Variants in PREX2 observed in about 807,000 individuals in gnomAD.
The protein encoded by PREX2 is phosphatidylinositol 3,4,5-trisphosphate-dependent Rac exchanger 2 protein.
PREX2 carries 107 observed loss-of-function variants against 203.2 expected under a neutral mutation model. That is an observed-to-expected ratio of 0.53 (90% CI 0.45 to 0.62). The LOEUF (loss-of-function observed/expected upper bound fraction) is 0.62. Ranked by LOEUF, PREX2 falls within the 20% of genes least tolerant of loss-of-function variation. The probability of loss-of-function intolerance (pLI) is 0.00; values close to 1 mark genes in which losing one functional copy is unlikely to be tolerated. For missense variants in PREX2, 1,777 were observed against 1,955.9 expected (o/e 0.91, Z 1.72); for synonymous variants, 672 against 663.6 (o/e 1.01, Z -0.19).
chr8:68,109,617 T>C lies in PREX2; in HGVS notation c.3140T>C (p.Ile1047Thr). ...GAGGTGGAGATGTGTGTTTGTCAAATAGATGAGTAAGTGTTTTGTACTACA... is the reference window on the plus strand; with the variant it reads ...GAGGTGGAGATGTGTGTTTGTCAAACAGATGAGTAAGTGTTTTGTACTACA... ...LKEVEMCVCQ[I>T]DDLLSSITYS... The change falls in exon 25 of 40, where the codon ATA (isoleucine) becomes ACA (threonine). Residue 1047 changes from isoleucine (I) to threonine (T), a missense_variant. By Grantham distance (89) the Ile-to-Thr change is moderately conservative. Transcript: ENST00000288368. 3.1e-6 allele frequency: 5 copies of C among 1,613,536 alleles called. No homozygotes were observed. Among genetic ancestry groups the C allele is most frequent in the Non-Finnish European group, 4.2e-6 (5 of 1,179,484 alleles).
At chr8:68,051,099 G>T (rs1479119942) in intron 8 of PREX2, among the ~76,000 whole-genome samples, 1 of 152,088 alleles carries the variant, frequency 6.6e-6, no homozygotes, top group African/African-American at 2.4e-5. Flanking sequence ...GAAGAGGCCA[G>T]TGACCAGACT....
rs1006451368 is a variant in PREX2, at chr8:68,235,211, C to T, written c.*3833C>T. The stretch of plus-strand genomic sequence containing the variant: ...TTATTCACTTATACTTCTGAAAAGC[C>T]ATAATATTGAAATTTAAAATGAATA... On this transcript the variant is annotated 3_prime_UTR_variant, in exon 40 of 40. Coordinates refer to ENST00000288368, the MANE Select transcript of PREX2 (RefSeq NM_024870.4). The T allele has an allele frequency of 1.3e-5, 2 of 151,996 alleles. No individual in the cohort carries two copies. The highest frequency in any genetic ancestry group is 2.9e-5 in the Non-Finnish European group (2 of 67,998). The allele number at this position is 151,996 out of a possible 1,614,324, so 9.4% of individuals were successfully genotyped here. A position where few individuals can be genotyped will look rare whatever the true frequency, so the allele number is the denominator to read the frequency against.
intron 12 of PREX2, 27 bp from the exon 13 acceptor site, chr8:68,069,807 GT>G: frequency 8.0e-7 from 1 of 1,257,754 alleles, no homozygotes; most frequent in Non-Finnish European, 1.1e-6. Context: ...AATCTCACTT[GT>G]TTTTGATATA....
At chr8:68,066,793 AATTATTGCCAAGACAAATGTC>A (rs1250151111) in intron 11 of PREX2, among the ~76,000 whole-genome samples, 1 of 152,064 alleles carries the variant, frequency 6.6e-6, no homozygotes, top group Non-Finnish European at 1.5e-5. Flanking sequence ...CCTCTCCAAA[AATTATTGCCAAGACAAATGTC>A]AAGTAGCTGT....
intron 25 of PREX2, among the ~76,000 whole-genome samples, chr8:68,115,021 C>CTTTTT (rs5892137): frequency 2.1e-3 from 186 of 86,770 alleles, no homozygotes; most frequent in Non-Finnish European, 2.5e-3. Context: ...TCTTTTCTTT[C>CTTTTT]TTTTTTTTTT....
intron 1 of PREX2, among the ~76,000 whole-genome samples, chr8:67,982,793 T>C (rs2129609248): frequency 6.6e-6 from 1 of 152,314 alleles, no homozygotes; most frequent in Non-Finnish European, 1.5e-5. Context: ...GGAATGGGAT[T>C]ACAGTTTCTT....
At chr8:68,031,045 C>CT (rs1167016942) in intron 6 of PREX2, among the ~76,000 whole-genome samples, 1 of 152,106 alleles carries the variant, frequency 6.6e-6, no homozygotes, top group Admixed American at 6.6e-5. Context: ...CTTTCAGACT[C>CT]TAAATTAGGT....
intron 30 of PREX2, among the ~76,000 whole-genome samples, chr8:68,125,873 T>C (rs1460230422): frequency 6.6e-6 from 1 of 152,104 alleles, no homozygotes; most frequent in Admixed American, 6.6e-5. Flanking sequence ...GTAATTACAA[T>C]GATTTTTCTG....
intron 37 of PREX2, among the ~76,000 whole-genome samples, chr8:68,211,626 A>G (rs1184096200): frequency 1.3e-5 from 2 of 152,324 alleles, no homozygotes; most frequent in Non-Finnish European, 2.9e-5. Flanking sequence ...TAACCTGGGT[A>G]CAGCTCCATA....
At chr8:67,977,874 C>T (rs554712174) in intron 1 of PREX2, among the ~76,000 whole-genome samples, 19 of 152,290 alleles carry the variant, frequency 1.2e-4, no homozygotes, top group African/African-American at 4.3e-4. Context: ...TCCCCTCGCA[C>T]AAACCTGCCC....
intron 38 of PREX2, among the ~76,000 whole-genome samples, chr8:68,218,169 A>G (rs1251012511): frequency 6.6e-6 from 1 of 152,088 alleles, no homozygotes. Context: ...CAGTGTGTAC[A>G]TTTTTCTGAG....
rs1428138041 is a variant in PREX2 at position 68,233,060 on chromosome 8, T to C, written c.*1682T>C. Reference sequence around the variant, plus strand: ...ATGTGTATACTACTAGGTAAGGTAATAATAATTGTTATTTGGCACAGAAGC... The same window carrying C: ...ATGTGTATACTACTAGGTAAGGTAACAATAATTGTTATTTGGCACAGAAGC... On this transcript the variant is annotated 3_prime_UTR_variant, in exon 40 of 40. Coordinates refer to ENST00000288368, the MANE Select transcript of PREX2 (RefSeq NM_024870.4). The C allele has an allele frequency of 6.6e-6, 1 of 152,220 alleles. No homozygotes were observed. The highest frequency in any genetic ancestry group is 1.5e-5 in the Non-Finnish European group (1 of 68,042). 9.4% of individuals were successfully genotyped at this position (152,220 alleles called of 1,614,324 possible).
rs1367448384 is a variant in PREX2, at chr8:68,146,198, T to C, written c.4088-11T>C. 6.3e-7 allele frequency: 1 copy of C among 1,591,304 alleles called. No individual in the cohort carries two copies. Among genetic ancestry groups the C allele is most frequent in the Admixed American group, 1.7e-5 (1 of 58,678 alleles). ...TTTTAGGAAGTAATATACTATTAAA[T>C]ATCATTTTAGATGTTCCTCTTACAT... On this transcript the variant is annotated splice_polypyrimidine_tract_variant and intron_variant, in intron 33 of 39. Coordinates refer to ENST00000288368, the MANE Select transcript of PREX2 (RefSeq NM_024870.4).
chr8:68,167,088 T>C (rs1468306368), intron 35 of PREX2, among the ~76,000 whole-genome samples: 1 of 152,216 alleles, frequency 6.6e-6, no homozygotes, highest in Non-Finnish European at 1.5e-5. Context: ...AGCAATTTAA[T>C]CTCCTTGTTG....
In PREX2 at chr8:68,233,776, T is replaced by C. The variant is rs1000507478; in HGVS notation, c.*2398T>C. On this transcript the variant is annotated 3_prime_UTR_variant, in exon 40 of 40. Transcript: ENST00000288368. ...ACCCAGTGACTTGCACAAAGTCACA[T>C]GATTGACAAGGGGTAGAACCAAAAT... 2.0e-5 allele frequency: 3 copies of C among 152,186 alleles called. No individual in the cohort carries two copies. Among genetic ancestry groups the C allele is most frequent in the African/African-American group, 7.2e-5 (3 of 41,454 alleles). The allele number at this position is 152,186 out of a possible 1,614,324, so 9.4% of individuals were successfully genotyped here.
At chr8:67,995,468 C>A (rs1806739527) in intron 1 of PREX2, among the ~76,000 whole-genome samples, 1 of 152,142 alleles carries the variant, frequency 6.6e-6, no homozygotes, top group African/African-American at 2.4e-5. Context: ...AGAATTAGTT[C>A]ATCCTTTTAG....
chr8:68,167,316 T>C (rs1346754533), intron 35 of PREX2, among the ~76,000 whole-genome samples: 1 of 141,240 alleles, frequency 7.1e-6, no homozygotes, highest in African/African-American at 2.6e-5. Flanking sequence ...GCATCAGCAA[T>C]GATGTGTTCT....
intron 33 of PREX2, among the ~76,000 whole-genome samples, chr8:68,143,852 G>A (rs1260919264): frequency 1.3e-5 from 2 of 151,974 alleles, no homozygotes; most frequent in Non-Finnish European, 2.9e-5. Flanking sequence ...ATTCATTTTG[G>A]GTTAATTTTT....
intron 37 of PREX2, among the ~76,000 whole-genome samples, chr8:68,198,489 T>C (rs908744680): frequency 1.3e-5 from 2 of 152,230 alleles, no homozygotes; most frequent in Admixed American, 1.3e-4. Context: ...TTTCTTTTAT[T>C]TCTTATTGCA....
Sources: allele counts gnomAD v4.1 joint callset (sites outside exome capture counted in the v4.1 genomes callset), GRCh38; gene constraint gnomAD v4.1.1; transcripts MANE v1.5; gene names NCBI Gene and HGNC (gene_info 2026-07-23, HGNC 2026-07-21).